The following DAPK2 variants were observed in gnomAD, a reference collection of about 807,000 sequenced individuals.
DAPK2 encodes the protein death-associated protein kinase 2.
A neutral mutation model predicts 44.1 loss-of-function variants in DAPK2; 35 were observed. That is an observed-to-expected ratio of 0.79 (90% CI 0.61 to 1.05). The LOEUF is 1.05. Among genes scored for constraint, DAPK2 ranks in the 50% least tolerant of loss-of-function variants. The pLI is 0.00. For missense variants in DAPK2, 453 were observed against 483.2 expected (o/e 0.94, Z 0.59); for synonymous variants, 174 against 182.6 (o/e 0.95, Z 0.38).
chr15:63,973,605 C>T (rs55929105), intron 2 of DAPK2, among the ~76,000 whole-genome samples: 40,953 of 152,114 alleles, frequency 0.27, 6,959 homozygotes, highest in Non-Finnish European at 0.38. Context: ...TACCTTGAGT[C>T]TCACCCACAT....
At chr15:63,964,334 C>T (rs1018467777) in intron 3 of DAPK2, among the ~76,000 whole-genome samples, 4 of 152,086 alleles carry the variant, frequency 2.6e-5, no homozygotes, top group Non-Finnish European at 4.4e-5. Context: ...GGAGTTTCAT[C>T]GTATGTTGTT....
chr15:63,938,406 G>A (rs527860966), intron 4 of DAPK2, among the ~76,000 whole-genome samples: 2 of 152,244 alleles, frequency 1.3e-5, no homozygotes, highest in Non-Finnish European at 1.5e-5. Context: ...CCTGGGATCT[G>A]TGGGGTCTCT....
rs190639325 is a variant in DAPK2, at chr15:63,930,773, C to T, written c.584-318G>A. Among the ~76,000 whole-genome samples the T allele has an allele frequency of 2.0e-3, 307 of 152,180 alleles. 1 individual carries two copies. The highest frequency in any genetic ancestry group is 6.1e-3 in the African/African-American group (254 of 41,514). ...GGACTAGTACCCTTATAAAGAGGCC[C>T]GAGGGCTGGCTGTGGTGGCTCACAC... On this transcript the variant is annotated intron_variant, in intron 4 of 10. Transcript: ENST00000261891.
intron 1 of DAPK2, among the ~76,000 whole-genome samples, chr15:63,989,164 G>A (rs1250682548): frequency 4.2e-5 from 6 of 142,972 alleles, no homozygotes; most frequent in Non-Finnish European, 7.6e-5. Context: ...CTGCAGCCTG[G>A]GTGACAGGGT....
chr15:63,937,483 T>C (rs28674153), intron 4 of DAPK2, among the ~76,000 whole-genome samples: 1,955 of 152,300 alleles, frequency 0.013, 40 homozygotes, highest in African/African-American at 0.045. Flanking sequence ...GAGTGGACAG[T>C]GACTTGTCCC....
At chr15:63,983,443 G>A (rs2078582440) in intron 2 of DAPK2, 90 bp downstream of exon 3, 1 of 1,226,930 alleles carries the variant, frequency 8.2e-7, no homozygotes, top group Non-Finnish European at 1.2e-6. Flanking sequence ...CCTGGTTGCT[G>A]CTGCCCCCTG....
At chr15:64,019,018 T>C (rs1260925121) in intron 1 of DAPK2, among the ~76,000 whole-genome samples, 1 of 152,212 alleles carries the variant, frequency 6.6e-6, no homozygotes, top group Non-Finnish European at 1.5e-5. Flanking sequence ...TATAACAATA[T>C]GTGGATGGTG....
chr15:63,921,110 G>A (rs944714492), intron 8 of DAPK2: 1 of 152,226 alleles, frequency 6.6e-6, no homozygotes, highest in East Asian at 1.9e-4. Context: ...TGAGCACTCC[G>A]TGAGACAGGA....
At chr15:63,982,015 G>A (rs994684941) in intron 2 of DAPK2, among the ~76,000 whole-genome samples, 1 of 152,080 alleles carries the variant, frequency 6.6e-6, no homozygotes, top group African/African-American at 2.4e-5. Flanking sequence ...AATGTCAGGT[G>A]GTCCACCGAG....
At chr15:63,996,480 GAC>G (rs2078951756) in intron 1 of DAPK2, among the ~76,000 whole-genome samples, 1 of 152,070 alleles carries the variant, frequency 6.6e-6, no homozygotes, top group Non-Finnish European at 1.5e-5. Flanking sequence ...AAATAAATGA[GAC>G]ACCCGGGCCT....
chr15:63,929,447 G>A (rs1567210629), intron 6 of DAPK2, 104 bp downstream of exon 7: 3 of 1,439,548 alleles, frequency 2.1e-6, no homozygotes, highest in East Asian at 2.3e-5. Context: ...CTGGATTATG[G>A]TGGGTGCTTA....
At chr15:63,922,784 A>G in intron 8 of DAPK2, 1 of 1,535,126 alleles carries the variant, frequency 6.5e-7, no homozygotes, top group Non-Finnish European at 8.7e-7. Flanking sequence ...TCTGCTGAGC[A>G]GCTCTGACAG....
rs769631519 is a variant in DAPK2, at chr15:63,994,222, G to T, written c.93-10468C>A. Among the ~76,000 whole-genome samples the T allele has an allele frequency of 2.0e-5, 3 of 152,124 alleles. No homozygotes were observed. The East Asian group carries it at 5.8e-4, about 29-fold the overall frequency. ...CTCACAGGGCCCACCTCAGCACCCG[G>T]CACAAAACAGGTATTCAGCCAGTGT... On this transcript the variant is annotated intron_variant, in intron 1 of 10. Transcript: ENST00000261891.
chr15:64,020,037 T>A lies in DAPK2; in HGVS notation c.92+20133A>T, dbSNP rs758917799. 2.6e-5 allele frequency among the ~76,000 whole-genome samples: 4 copies of A among 152,194 alleles called. No individual in the cohort carries two copies. The highest frequency in any genetic ancestry group is 4.4e-5 in the Non-Finnish European group (3 of 68,042). On this transcript the variant is annotated intron_variant, in intron 1 of 10. Transcript: ENST00000261891. The surrounding 1 kb of genome is among the most constrained non-coding windows in gnomAD (Gnocchi z 4.5). ...GTGTCTAATCTCAGCAGAAGCAGTC[T>A]CAGTGGCACCCGCAGGCTTTACTGT... is the stretch of plus-strand genomic sequence containing the variant.
At chr15:63,993,590 T>A (rs2075977486) in intron 1 of DAPK2, among the ~76,000 whole-genome samples, 1 of 152,048 alleles carries the variant, frequency 6.6e-6, no homozygotes, top group African/African-American at 2.4e-5. Flanking sequence ...TTTAATCCCA[T>A]GTTTATTTCT....
At chr15:63,965,464 G>A (rs942783415) in intron 3 of DAPK2, among the ~76,000 whole-genome samples, 1 of 150,746 alleles carries the variant, frequency 6.6e-6, no homozygotes, top group Admixed American at 6.6e-5. Flanking sequence ...CTGGCTACTG[G>A]CTATGTTTGC....
chr15:64,024,037 T>A (rs2079765498), intron 1 of DAPK2, among the ~76,000 whole-genome samples: 1 of 152,140 alleles, frequency 6.6e-6, no homozygotes, highest in Non-Finnish European at 1.5e-5. Context: ...GTAAAAAGAA[T>A]GGTAGCAGAT....
At chr15:63,924,816 C>A (rs772349489) in exon 8 of DAPK2, 1 of 1,614,020 alleles carries the variant, frequency 6.2e-7, no homozygotes, top group African/African-American at 1.3e-5. Flanking sequence ...GTGCCCTTAC[C>A]GTGATCCAGG....
chr15:64,044,438 T>C (rs1435201837), upstream of DAPK2, among the ~76,000 whole-genome samples: 1 of 152,212 alleles, frequency 6.6e-6, no homozygotes, highest in African/African-American at 2.4e-5. Context: ...TATGTTGGCG[T>C]TCTGGGTAAG....
Sources: gnomAD v4.1 joint callset for allele counts (sites outside exome capture counted in the v4.1 genomes callset) on GRCh38, gnomAD v4.1.1 for gene constraint, Gnocchi (gnomAD v3.1) non-coding constraint, MANE v1.5 for transcripts, NCBI Gene and HGNC (gene_info 2026-07-23, HGNC 2026-07-21) for gene names.